The following CNIH3 variants were observed in gnomAD, a reference collection of about 807,000 sequenced individuals.
CNIH3 encodes protein cornichon homolog 3.
A neutral mutation model predicts 24.1 loss-of-function variants in CNIH3; 14 were observed. The ratio of observed to expected loss-of-function variants is 0.58; its 90% CI spans 0.38 to 0.91. CNIH3 has a LOEUF of 0.91. Among genes scored for constraint, CNIH3 ranks in the 40% least tolerant of loss-of-function variants. CNIH3 has a pLI of 0.00. For synonymous variants in CNIH3, 68 were observed against 73.8 expected (o/e 0.92, Z 0.40); for missense variants, 178 against 196.8 (o/e 0.90, Z 0.57).
chr1:224,654,775 C>T (rs1315261142), intron 1 of CNIH3, among the ~76,000 whole-genome samples: 1 of 152,182 alleles, frequency 6.6e-6, no homozygotes, highest in Non-Finnish European at 1.5e-5. Flanking sequence ...AAAAATACCT[C>T]TGCTTAATAA....
At chr1:224,447,883 A>G (rs1021186662) in intron 1 of CNIH3, among the ~76,000 whole-genome samples, 13 of 152,218 alleles carry the variant, frequency 8.5e-5, no homozygotes, top group African/African-American at 3.1e-4. Context: ...GTTAATGAAA[A>G]TAATAACATT....
intron 1 of CNIH3, among the ~76,000 whole-genome samples, chr1:224,669,313 A>T (rs1306689047): frequency 6.6e-6 from 1 of 152,178 alleles, no homozygotes; most frequent in Non-Finnish European, 1.5e-5. Flanking sequence ...GATGGCAAAT[A>T]AGCCAAAGTG....
chr1:224,454,015 T>C (rs1328436408), intron 1 of CNIH3, among the ~76,000 whole-genome samples: 2 of 152,196 alleles, frequency 1.3e-5, no homozygotes, highest in Non-Finnish European at 2.9e-5. Context: ...ACTGTTCTAG[T>C]AGGATGGTAA....
chr1:224,669,801 C>T (rs1201517254), intron 1 of CNIH3, among the ~76,000 whole-genome samples: 1 of 152,202 alleles, frequency 6.6e-6, no homozygotes, highest in Non-Finnish European at 1.5e-5. Flanking sequence ...CCTCTTTATA[C>T]TTGAGGACAC....
At chr1:224,658,632 C>T (rs1685206807) in intron 1 of CNIH3, among the ~76,000 whole-genome samples, 1 of 151,320 alleles carries the variant, frequency 6.6e-6, no homozygotes, top group African/African-American at 2.4e-5. Flanking sequence ...CAAATCCCGA[C>T]CTTTACTTTT....
At chr1:224,641,490 G>T (rs541485493) in intron 1 of CNIH3, among the ~76,000 whole-genome samples, 18 of 152,202 alleles carry the variant, frequency 1.2e-4, no homozygotes, top group Non-Finnish European at 2.4e-4. Flanking sequence ...ATCGGGGTCT[G>T]GTTTGTACCT....
intron 2 of CNIH3, among the ~76,000 whole-genome samples, chr1:224,536,341 G>T (rs1162223284): frequency 7.1e-6 from 1 of 141,296 alleles, no homozygotes; most frequent in Non-Finnish European, 1.5e-5. Flanking sequence ...GCCCAGGCTG[G>T]AGTACAATGG....
intron 1 of CNIH3, among the ~76,000 whole-genome samples, chr1:224,630,117 A>G (rs149450752): frequency 4.7e-4 from 72 of 152,250 alleles, no homozygotes; most frequent in African/African-American, 1.7e-3. Context: ...AAGGCTGTGA[A>G]TGTTTTTGGC....
intron 1 of CNIH3, among the ~76,000 whole-genome samples, chr1:224,440,487 A>C (rs932610403): frequency 6.6e-6 from 1 of 152,164 alleles, no homozygotes; most frequent in African/African-American, 2.4e-5. Context: ...TTCCTCCCAA[A>C]GTTCTGGGAT....
intron 1 of CNIH3, among the ~76,000 whole-genome samples, chr1:224,468,014 T>C (rs1397814254): frequency 6.6e-6 from 1 of 152,082 alleles, no homozygotes; most frequent in African/African-American, 2.4e-5. Context: ...TCTTTTGTGA[T>C]TCTATTGTTT....
At chr1:224,730,670 C>T (rs1035747809) in intron 4 of CNIH3, 96 bp downstream of exon 4, 1 of 713,266 alleles carries the variant, frequency 1.4e-6, no homozygotes, top group Non-Finnish European at 2.5e-6. Context: ...CTTCTATTGC[C>T]TTCCAATCAT....
downstream of CNIH3, among the ~76,000 whole-genome samples, chr1:224,591,437 T>C (rs1293259678): frequency 6.6e-6 from 1 of 152,142 alleles, no homozygotes; most frequent in Non-Finnish European, 1.5e-5. Context: ...GGTCTTACAA[T>C]TGGCAGCTGA....
intron 3 of CNIH3, among the ~76,000 whole-genome samples, chr1:224,706,958 CTTTTTTTTTTT>C (rs71170031): frequency 1.2e-5 from 1 of 82,124 alleles, no homozygotes; most frequent in Non-Finnish European, 2.3e-5. Flanking sequence ...TCCTTTCTTT[CTTTTTTTTTTT>C]TTTTTTTTTT....
intron 1 of CNIH3, among the ~76,000 whole-genome samples, chr1:224,491,483 A>G (rs904285214): frequency 6.6e-6 from 1 of 152,242 alleles, no homozygotes; most frequent in African/African-American, 2.4e-5. Flanking sequence ...ATTATGTTTA[A>G]AACAATGGCA....
chr1:224,613,736 G>A (rs1403741192), upstream of CNIH3, among the ~76,000 whole-genome samples: 1 of 152,156 alleles, frequency 6.6e-6, no homozygotes, highest in African/African-American at 2.4e-5. Context: ...TGACATGCCT[G>A]CTCCTGCTTC....
intron 1 of CNIH3, among the ~76,000 whole-genome samples, chr1:224,454,651 G>A (rs918070693): frequency 2.6e-5 from 4 of 152,140 alleles, no homozygotes; most frequent in East Asian, 1.9e-4. Flanking sequence ...ACCCAAGCTC[G>A]TGACTGGCTC....
chr1:224,481,326 C>T (rs1676804346), intron 1 of CNIH3, among the ~76,000 whole-genome samples: 1 of 152,188 alleles, frequency 6.6e-6, no homozygotes, highest in Non-Finnish European at 1.5e-5. Flanking sequence ...TGTCTAGGCA[C>T]TGAAGAGTTA....
chr1:224,513,199 C>T (rs1049652978), upstream of CNIH3, among the ~76,000 whole-genome samples: 4 of 152,048 alleles, frequency 2.6e-5, no homozygotes, highest in African/African-American at 9.7e-5. Flanking sequence ...TGCTCTGTCA[C>T]TCAGGCTGGA....
At chr1:224,691,769 G>C (rs576302600) in intron 3 of CNIH3, among the ~76,000 whole-genome samples, 1 of 152,222 alleles carries the variant, frequency 6.6e-6, no homozygotes, top group South Asian at 2.1e-4. Context: ...CTTAGCTCCT[G>C]GTATCTCATT....
Sources: gnomAD v4.1 joint callset for allele counts (sites outside exome capture counted in the v4.1 genomes callset) on GRCh38, gnomAD v4.1.1 for gene constraint, MANE v1.5 for transcripts, NCBI Gene and HGNC (gene_info 2026-07-23, HGNC 2026-07-21) for gene names.